GRIK3: variants seen among roughly 807,000 people sequenced by gnomAD.
GRIK3 encodes the protein glutamate ionotropic receptor kainate type subunit 3.
GRIK3 carries 29 observed loss-of-function variants against 102.5 expected under a neutral mutation model. The ratio of observed to expected loss-of-function variants is 0.28; its 90% confidence interval spans 0.21 to 0.39. The LOEUF is 0.39. GRIK3 is among the 10% of genes least tolerant of loss of function. The pLI, the probability that GRIK3 is intolerant of heterozygous loss-of-function variation, is 1.00. For synonymous variants in GRIK3, 511 were observed against 504.9 expected (o/e 1.01, Z -0.16); for missense variants, 908 against 1,252.4 (o/e 0.73, Z 4.15).
intron 1 of GRIK3, among the ~76,000 whole-genome samples, chr1:36,897,455 A>G (rs142549887): frequency 1.4e-3 from 219 of 152,348 alleles, no homozygotes; most frequent in African/African-American, 5.1e-3. Flanking sequence ...TACCTGCTCA[A>G]TGAAAACTAC....
chr1:36,997,331 T>C (rs1008457595), intron 1 of GRIK3, among the ~76,000 whole-genome samples: 2 of 152,222 alleles, frequency 1.3e-5, no homozygotes, highest in Non-Finnish European at 2.9e-5. Flanking sequence ...AGGATTTAAT[T>C]GGGCTGTAAC....
chr1:36,922,014 C>T (rs1387681744), intron 1 of GRIK3, among the ~76,000 whole-genome samples: 4 of 152,160 alleles, frequency 2.6e-5, no homozygotes, highest in Admixed American at 2.6e-4. Flanking sequence ...TTATGCTGCT[C>T]ATCAGGGCCC....
intron 1 of GRIK3, among the ~76,000 whole-genome samples, chr1:36,960,461 A>T (rs972873003): frequency 2.6e-5 from 4 of 152,194 alleles, no homozygotes; most frequent in Non-Finnish European, 5.9e-5. Context: ...GGTGAATGGA[A>T]GTTAGAGGCC....
chr1:36,823,472 C>CA (rs71053954), intron 11 of GRIK3, among the ~76,000 whole-genome samples: 3,450 of 37,830 alleles, frequency 0.091, 406 homozygotes, highest in Non-Finnish European at 0.12. Flanking sequence ...GACTCCGTCT[C>CA]AAAAAAAAAA....
intron 10 of GRIK3, among the ~76,000 whole-genome samples, chr1:36,835,793 C>T (rs150667968): frequency 9.2e-4 from 140 of 152,204 alleles, no homozygotes; most frequent in African/African-American, 2.4e-3. Flanking sequence ...CCTGTTTGTC[C>T]GGACCTGGAC....
At chr1:36,933,025 G>C (rs911014209) in intron 1 of GRIK3, among the ~76,000 whole-genome samples, 6 of 152,320 alleles carry the variant, frequency 3.9e-5, no homozygotes, top group African/African-American at 1.4e-4. Context: ...CCAATATGTA[G>C]AACCACGTTT....
intron 1 of GRIK3, among the ~76,000 whole-genome samples, chr1:36,912,366 G>T (rs1641355657): frequency 6.6e-6 from 1 of 152,094 alleles, no homozygotes; most frequent in Non-Finnish European, 1.5e-5. Flanking sequence ...CCCCTTGCAG[G>T]CACCGTTGGG....
At chr1:36,957,006 G>C (rs1641919189) in intron 1 of GRIK3, among the ~76,000 whole-genome samples, 1 of 152,384 alleles carries the variant, frequency 6.6e-6, no homozygotes, top group East Asian at 1.9e-4. Flanking sequence ...AGGGAGACCA[G>C]GAGCAAGACC....
rs1314123809 is a variant in GRIK3 at position 36,850,148 on chromosome 1, G to A, written c.1326+163C>T. On this transcript the variant is annotated intron_variant, in intron 9 of 15. Transcript: ENST00000373091. The surrounding 1 kb of genome is among the most constrained non-coding windows in gnomAD (Gnocchi z 4.0). ...GCCCGTGGCAGCGAGCAGCGCTGCT[G>A]CGCTCCAGCTGCTCTCTGAGAACTT... 1.7e-6 allele frequency: 1 copy of A among 601,688 alleles called. No homozygotes were observed. The highest frequency in any genetic ancestry group is 3.0e-6 in the Non-Finnish European group (1 of 337,096). 37.3% of individuals were successfully genotyped at this position (601,688 alleles called of 1,614,324 possible). A position where few individuals can be genotyped will look rare whatever the true frequency, so the allele number is the denominator to read the frequency against.
intron 1 of GRIK3, among the ~76,000 whole-genome samples, chr1:36,921,755 C>T (rs1641476004): frequency 6.6e-6 from 1 of 151,944 alleles, no homozygotes; most frequent in South Asian, 2.1e-4. Flanking sequence ...ATATTACTGT[C>T]GATGTGTCTT....
At chr1:36,909,328 T>C (rs1023724770) in intron 1 of GRIK3, among the ~76,000 whole-genome samples, 1 of 151,662 alleles carries the variant, frequency 6.6e-6, no homozygotes, top group African/African-American at 2.4e-5. Flanking sequence ...AGATGGAGTC[T>C]TGCTGTGTCA....
chr1:36,954,352 G>A (rs146106952), intron 1 of GRIK3, among the ~76,000 whole-genome samples: 3,052 of 152,344 alleles, frequency 0.02, 59 homozygotes, highest in Middle Eastern at 0.071. Context: ...AGCATCAGAG[G>A]ACTTGCTCAG....
In GRIK3 at chr1:36,803,232, C is replaced by A. The variant is rs117806319; in HGVS notation, c.2566-1187G>T. 3.7e-3 allele frequency among the ~76,000 whole-genome samples: 562 copies of A among 152,066 alleles called. 24 individuals are homozygous for A. The East Asian group carries it at 0.08, about 22-fold the overall frequency. ...TGACCAGAAGATGTCAAGAACACAC[C>A]CTCTGGGGGAGGAGCATTTTAGGAG... On this transcript the variant is annotated intron_variant, in intron 15 of 15. Transcript: ENST00000373091.
intron 10 of GRIK3, among the ~76,000 whole-genome samples, chr1:36,827,733 C>T (rs1467831304): frequency 6.6e-6 from 1 of 152,114 alleles, no homozygotes; most frequent in Non-Finnish European, 1.5e-5. Flanking sequence ...AGGAGGGAAG[C>T]GCTAGTATGG....
chr1:36,963,833 C>T lies in GRIK3; in HGVS notation c.115+70161G>A, dbSNP rs568535285. Among the ~76,000 whole-genome samples, 12 of 152,338 alleles carry T rather than the reference C, an allele frequency of 7.9e-5. No homozygotes were observed. The South Asian group carries it at 2.3e-3, about 29-fold the overall frequency. Reference sequence around the variant, plus strand: ...TCAGAGGCACCTCTGCATTGAATGGCTGTATGGACAAGGGCCTCCCAAAGC... The same window carrying T: ...TCAGAGGCACCTCTGCATTGAATGGTTGTATGGACAAGGGCCTCCCAAAGC... On this transcript the variant is annotated intron_variant, in intron 1 of 15. Coordinates refer to ENST00000373091, the MANE Select transcript of GRIK3 (RefSeq NM_000831.4).
At chr1:36,927,392 T>A (rs977885757) in intron 1 of GRIK3, among the ~76,000 whole-genome samples, 18 of 152,354 alleles carry the variant, frequency 1.2e-4, no homozygotes, top group African/African-American at 4.3e-4. Flanking sequence ...GAGCCCTAAA[T>A]ATTTAACTGT....
At chr1:36,955,415 C>T (rs1290867297) in intron 1 of GRIK3, among the ~76,000 whole-genome samples, 3 of 152,182 alleles carry the variant, frequency 2.0e-5, no homozygotes, top group Non-Finnish European at 4.4e-5. Flanking sequence ...CTGACAGGCA[C>T]ACTCACAGCA....
intron 1 of GRIK3, among the ~76,000 whole-genome samples, chr1:36,912,937 A>T (rs1361238236): frequency 6.6e-6 from 1 of 152,240 alleles, no homozygotes; most frequent in African/African-American, 2.4e-5. Context: ...ACACACAAAT[A>T]TCTCTCAGAC....
intron 1 of GRIK3, among the ~76,000 whole-genome samples, chr1:37,023,813 G>A (rs1315522987): frequency 6.6e-6 from 1 of 152,182 alleles, no homozygotes; most frequent in Non-Finnish European, 1.5e-5. Flanking sequence ...GACCCCAGGA[G>A]GGAGGCAGTG....
Sources: gnomAD v4.1 joint callset for allele counts (sites outside exome capture counted in the v4.1 genomes callset) on GRCh38, gnomAD v4.1.1 for gene constraint, Gnocchi (gnomAD v3.1) non-coding constraint, MANE v1.5 for transcripts, NCBI Gene and HGNC (gene_info 2026-07-23, HGNC 2026-07-21) for gene names.